Variants in METAP2 observed in about 807,000 individuals in gnomAD.
METAP2 encodes the protein methionine aminopeptidase 2.
In METAP2, 25 loss-of-function variants were observed where a neutral mutation model predicts 59.4. The ratio of observed to expected loss-of-function variants is 0.42; its 90% CI spans 0.31 to 0.59. The LOEUF (loss-of-function observed/expected upper bound fraction) is 0.59, where lower values mean the gene tolerates loss of function less well. Ranked by LOEUF, METAP2 falls within the 20% of genes least tolerant of loss-of-function variation. METAP2 has a pLI of 0.16. For missense variants in METAP2, 366 were observed against 581.2 expected (o/e 0.63, Z 3.81); for synonymous variants, 214 against 194.1 (o/e 1.10, Z -0.85).
intron 8 of METAP2, among the ~76,000 whole-genome samples, chr12:95,505,179 A>G (rs1196844497): frequency 6.6e-6 from 1 of 152,144 alleles, no homozygotes; most frequent in Non-Finnish European, 1.5e-5. Context: ...CACACCATTC[A>G]GCATTCTTTG....
intron 1 of METAP2, among the ~76,000 whole-genome samples, chr12:95,474,635 C>T (rs937450929): frequency 8.5e-5 from 13 of 152,350 alleles, no homozygotes; most frequent in African/African-American, 3.1e-4. Flanking sequence ...GTGGCACGGT[C>T]TTGAGATTGT....
At chr12:95,508,717 A>G (rs1410394143) in intron 8 of METAP2, among the ~76,000 whole-genome samples, 3 of 149,560 alleles carry the variant, frequency 2.0e-5, no homozygotes, top group Non-Finnish European at 4.5e-5. Context: ...CTTTCAAGGT[A>G]TGGTAGGTGA....
chr12:95,474,221 G>A lies in METAP2; in HGVS notation c.42G>A (p.Leu14=), dbSNP rs367683606. The change falls in exon 1 of 11, where the codon CTG becomes CTA. Residue 14 remains leucine (L), a synonymous_variant. Coordinates refer to ENST00000323666, the MANE Select transcript of METAP2 (RefSeq NM_006838.4). Reference sequence around the variant, plus strand: ...AGGTAGCGGCCTCCGGGAGCCACCTGAATGGCGACCTGGATCCAGACGACA... The same window carrying A: ...AGGTAGCGGCCTCCGGGAGCCACCTAAATGGCGACCTGGATCCAGACGACA... ...VEEVAASGSH[L]NGDLDPDDRE... 4.8e-5 allele frequency: 78 copies of A among 1,614,110 alleles called. No homozygotes were observed. Among genetic ancestry groups the A allele is most frequent in the Non-Finnish European group, 6.3e-5 (74 of 1,180,030 alleles).
Position 95,492,524 on chromosome 12 carries a change from TTC to T in METAP2, c.429-1530_429-1529del, listed in dbSNP as rs376537714. The stretch of plus-strand genomic sequence containing the variant: ...ACTTTGAGCAAAAGAATTTCTTTAA[TTC>T]TGTTTCTTTTTTCTTTATTATTTAT... On this transcript the variant is annotated intron_variant, in intron 4 of 10. Coordinates refer to ENST00000323666, the MANE Select transcript of METAP2 (RefSeq NM_006838.4). Among the ~76,000 whole-genome samples the T allele has an allele frequency of 2.9e-3, 439 of 152,012 alleles. 4 individuals carry two copies. The highest frequency in any genetic ancestry group is 0.01 in the African/African-American group (424 of 41,566).
chr12:95,499,006 AC>A (rs1198807807), intron 7 of METAP2, among the ~76,000 whole-genome samples: 1 of 139,114 alleles, frequency 7.2e-6, no homozygotes, highest in Non-Finnish European at 1.5e-5. Flanking sequence ...AAAAAGCAAG[AC>A]CCTGTCCCAA....
At chr12:95,506,276 T>C (rs2076359129) in intron 8 of METAP2, among the ~76,000 whole-genome samples, 1 of 151,054 alleles carries the variant, frequency 6.6e-6, no homozygotes, top group Non-Finnish European at 1.5e-5. Context: ...AAATATTTAT[T>C]TTTATTTCTA....
intron 8 of METAP2, 29 bp downstream of exon 8, chr12:95,504,190 T>A: frequency 7.0e-7 from 1 of 1,430,370 alleles, no homozygotes; most frequent in Non-Finnish European, 9.8e-7. Flanking sequence ...TATCTTATTT[T>A]GAAATTGATT....
At chr12:95,493,590 T>C (rs1189852753) in intron 4 of METAP2, among the ~76,000 whole-genome samples, 2 of 152,346 alleles carry the variant, frequency 1.3e-5, no homozygotes, top group East Asian at 1.9e-4. Context: ...GCATGTAATA[T>C]GTGTTTTGAG....
chr12:95,503,022 G>C (rs1468185380), intron 7 of METAP2, among the ~76,000 whole-genome samples: 3 of 149,800 alleles, frequency 2.0e-5, no homozygotes, highest in African/African-American at 7.4e-5. Flanking sequence ...TGTTTTGAAG[G>C]CTTTGTGTAG....
intron 8 of METAP2, among the ~76,000 whole-genome samples, chr12:95,505,938 C>CA (rs111916940): frequency 0.017 from 2,355 of 138,726 alleles, 64 homozygotes; most frequent in African/African-American, 0.066. Flanking sequence ...CTACTAAATA[C>CA]AAAAAAAAAA....
At chr12:95,478,249 AT>A (rs1467839601) in intron 2 of METAP2, among the ~76,000 whole-genome samples, 1 of 152,112 alleles carries the variant, frequency 6.6e-6, no homozygotes, top group Non-Finnish European at 1.5e-5. Flanking sequence ...ATTTGTAGTT[AT>A]TTCAGTAATC....
chr12:95,497,537 C>T (rs1045307874), intron 7 of METAP2, among the ~76,000 whole-genome samples: 4 of 152,168 alleles, frequency 2.6e-5, no homozygotes, highest in Non-Finnish European at 5.9e-5. Flanking sequence ...GCTATGAATA[C>T]GGGTGTATAG....
chr12:95,496,998 T>C (rs1015170090), intron 7 of METAP2, among the ~76,000 whole-genome samples: 1 of 151,864 alleles, frequency 6.6e-6, no homozygotes, highest in African/African-American at 2.4e-5. Context: ...CTGATTTTTA[T>C]GTTTCTAGTA....
chr12:95,495,613 A>G (rs188920600), intron 6 of METAP2, among the ~76,000 whole-genome samples: 2 of 152,316 alleles, frequency 1.3e-5, no homozygotes, highest in East Asian at 1.9e-4. Flanking sequence ...TACTTGCCTA[A>G]GGTTTCACTA....
At chr12:95,476,199 T>C (rs754098979) in intron 2 of METAP2, 21 bp downstream of exon 2, 1 of 1,514,590 alleles carries the variant, frequency 6.6e-7, no homozygotes, top group South Asian at 1.2e-5. Context: ...AATTTGATCT[T>C]TGTGGTTAGA....
chr12:95,488,468 C>T (rs1367748583), intron 4 of METAP2, among the ~76,000 whole-genome samples: 1 of 138,132 alleles, frequency 7.2e-6, no homozygotes, highest in Admixed American at 7.7e-5. Context: ...GAGATTGCAC[C>T]ACTGCACTAC....
intron 4 of METAP2, among the ~76,000 whole-genome samples, chr12:95,488,439 A>G (rs1486576195): frequency 4.9e-5 from 7 of 142,102 alleles, no homozygotes; most frequent in African/African-American, 1.8e-4. Context: ...AACACAGGAG[A>G]TGGAGGTTGC....
At position 95,494,830 on chromosome 12, in the gene METAP2, C is replaced by T. The variant is rs77089424; in HGVS notation, c.591-127C>T. On this transcript the variant is annotated intron_variant, in intron 5 of 10. Coordinates refer to ENST00000323666, the MANE Select transcript of METAP2 (RefSeq NM_006838.4). ...GTTATTTATTTATATTCAGAAAGTG[C>T]TCAGATCATTCCCAGAAGGTATTTA... The T allele has an allele frequency of 3.6e-4, 219 of 609,368 alleles. No individual in the cohort carries two copies. In the East Asian group the frequency reaches 4.6e-3, roughly 13 times the overall value. The allele number at this position is 609,368 out of a possible 1,614,324, so 37.7% of individuals were successfully genotyped here. A position where few individuals can be genotyped will look rare whatever the true frequency, so the allele number is the denominator to read the frequency against.
Position 95,504,223 on chromosome 12 carries a change from T to C in METAP2, c.964+62T>C, listed in dbSNP as rs2076339525. 3 of 1,089,950 alleles carry C rather than the reference T, an allele frequency of 2.8e-6. No individual in the cohort carries two copies. In the Admixed American group the frequency reaches 6.1e-5, roughly 22 times the overall value. 67.5% of individuals were successfully genotyped at this position (1,089,950 alleles called of 1,614,324 possible). On this transcript the variant is annotated intron_variant, in intron 8 of 10. Coordinates refer to ENST00000323666, the MANE Select transcript of METAP2 (RefSeq NM_006838.4). Reference sequence around the variant, plus strand: ...ATTTTACAAACTATTGTCGAGTGTTTTCTTTGGGTCAGCTGCTTCATGTTT... The same window carrying C: ...ATTTTACAAACTATTGTCGAGTGTTCTCTTTGGGTCAGCTGCTTCATGTTT...
Sources: allele counts gnomAD v4.1 joint callset (sites outside exome capture counted in the v4.1 genomes callset), GRCh38; gene constraint gnomAD v4.1.1; transcripts MANE v1.5; gene names NCBI Gene and HGNC (gene_info 2026-07-23, HGNC 2026-07-21).